Variants in ANKRD31 observed in about 807,000 individuals in gnomAD.
The protein encoded by ANKRD31 is ankyrin repeat domain 31.
Under a neutral mutation model 186.0 loss-of-function variants are expected in ANKRD31, and 147 were observed. The ratio of observed to expected loss-of-function variants is 0.79; its 90% CI spans 0.69 to 0.91. The LOEUF is 0.91. Among genes scored for constraint, ANKRD31 ranks in the 40% least tolerant of loss-of-function variants. The probability of loss-of-function intolerance (pLI) is 0.00; values close to 1 mark genes in which losing one functional copy is unlikely to be tolerated. For synonymous variants in ANKRD31, 673 were observed against 736.4 expected (o/e 0.91, Z 1.39); for missense variants, 1,986 against 2,148.8 (o/e 0.92, Z 1.50).
At chr5:75,084,208 G>T in intron 24 of ANKRD31, 64 bp downstream of exon 24, 2 of 1,144,480 alleles carry the variant, frequency 1.7e-6, no homozygotes, top group Non-Finnish European at 2.5e-6. Context: ...TAAAATGAGT[G>T]CTTTTCCAGT....
chr5:75,111,319 T>A (rs931426506), intron 20 of ANKRD31, among the ~76,000 whole-genome samples: 9 of 152,076 alleles, frequency 5.9e-5, no homozygotes, highest in Non-Finnish European at 1.3e-4. Context: ...ATGACTTTCA[T>A]AATGAAAAAA....
At chr5:75,171,757 A>G (rs1402133897) in intron 10 of ANKRD31, among the ~76,000 whole-genome samples, 3 of 151,792 alleles carry the variant, frequency 2.0e-5, no homozygotes, top group Non-Finnish European at 4.4e-5. Flanking sequence ...TGAATAGCCT[A>G]TACCTATTAA....
At chr5:75,220,294 C>G (rs1450049118) in intron 3 of ANKRD31, among the ~76,000 whole-genome samples, 4 of 152,128 alleles carry the variant, frequency 2.6e-5, no homozygotes, top group African/African-American at 9.7e-5. Context: ...GTCTAATATA[C>G]AGAATCTACA....
chr5:75,236,822 G>T lies in ANKRD31; in HGVS notation c.-136C>A. On this transcript the variant is annotated 5_prime_UTR_variant, in exon 1 of 26. Coordinates refer to ENST00000506364, the MANE Select transcript of ANKRD31 (RefSeq NM_001372053.1). Reference sequence around the variant, plus strand: ...ATAATCGCAGCAGGAGCCGGGACTTGTCGCAGGGCTGCTGAGGAGGACGCA... The same window carrying T: ...ATAATCGCAGCAGGAGCCGGGACTTTTCGCAGGGCTGCTGAGGAGGACGCA... 2.6e-6 allele frequency: 2 copies of T among 757,054 alleles called. No individual in the cohort carries two copies. The highest frequency in any genetic ancestry group is 4.0e-6 in the Non-Finnish European group (2 of 496,884). 46.9% of individuals were successfully genotyped at this position (757,054 alleles called of 1,614,324 possible). A position where few individuals can be genotyped will look rare whatever the true frequency, so the allele number is the denominator to read the frequency against.
intron 2 of ANKRD31, among the ~76,000 whole-genome samples, chr5:75,228,495 C>A (rs1757767135): frequency 6.6e-6 from 1 of 151,758 alleles, no homozygotes; most frequent in Admixed American, 6.6e-5. Context: ...AAATAAACTT[C>A]TTTAACATGA....
At chr5:75,190,232 G>A (rs1291185597) in intron 9 of ANKRD31, among the ~76,000 whole-genome samples, 8 of 151,986 alleles carry the variant, frequency 5.3e-5, no homozygotes. Context: ...TGTTGCTTAA[G>A]CTGATCTCAA....
chr5:75,147,421 T>C lies in ANKRD31; in HGVS notation c.1990A>G (p.Asn664Asp), dbSNP rs191791580. 6.6e-7 allele frequency: 1 copy of C among 1,521,654 alleles called. No homozygotes were observed. Among genetic ancestry groups the C allele is most frequent in the Non-Finnish European group, 8.8e-7 (1 of 1,141,572 alleles). 94.3% of individuals were successfully genotyped at this position (1,521,654 alleles called of 1,614,324 possible). ...AATAAACTCGCTTTGCTTCCTTTATTGACTTTTACATGTTCCAGCTTCTGT... is the reference window on the plus strand; with the variant it reads ...AATAAACTCGCTTTGCTTCCTTTATCGACTTTTACATGTTCCAGCTTCTGT... ...NRQKLEHVKV[N>D]KGSKASLFIN... Residue 664 changes from asparagine (N) to aspartate (D), a missense_variant, in exon 14 of 26, where the codon AAT becomes GAT. Asn to Asp is a conservative substitution (Grantham distance 23). Coordinates refer to ENST00000506364, the MANE Select transcript of ANKRD31 (RefSeq NM_001372053.1).
Position 75,236,862 on chromosome 5 carries a change from C to T in ANKRD31, c.-176G>A. 2.0e-6 allele frequency: 1 copy of T among 509,236 alleles called. No individual in the cohort carries two copies. The highest frequency in any genetic ancestry group is 2.0e-5 in the African/African-American group (1 of 48,924). 31.5% of individuals were successfully genotyped at this position (509,236 alleles called of 1,614,324 possible). A position where few individuals can be genotyped will look rare whatever the true frequency, so the allele number is the denominator to read the frequency against. On this transcript the variant is annotated 5_prime_UTR_variant, in exon 1 of 26. Coordinates refer to ENST00000506364, the MANE Select transcript of ANKRD31 (RefSeq NM_001372053.1). ...AGGAGGACGCAGGCGGCCGCGAGCGCGGCGGGGTAGCAGTCTGCGAGGCGG... is the reference window on the plus strand; with the variant it reads ...AGGAGGACGCAGGCGGCCGCGAGCGTGGCGGGGTAGCAGTCTGCGAGGCGG...
intron 11 of ANKRD31, among the ~76,000 whole-genome samples, chr5:75,168,547 A>G (rs765305353): frequency 4.2e-4 from 64 of 152,160 alleles, no homozygotes; most frequent in Non-Finnish European, 7.2e-4. Context: ...ATCCTGGCTG[A>G]TCATTAAGCT....
At chr5:75,077,782 G>C (rs957784904) in intron 25 of ANKRD31, among the ~76,000 whole-genome samples, 4 of 151,890 alleles carry the variant, frequency 2.6e-5, no homozygotes, top group African/African-American at 7.3e-5. Context: ...AAAATTAGCT[G>C]GGCGTGGTGG....
At position 75,103,360 on chromosome 5, in the gene ANKRD31, C is replaced by T. The variant is rs147663010; in HGVS notation, c.5331+868G>A. ...AAAGTCAAGAAACAACTGATGCTGG[C>T]GAGGTTGCAGATAAATAGGAATGCT... On this transcript the variant is annotated intron_variant, in intron 22 of 25. Coordinates refer to ENST00000506364, the MANE Select transcript of ANKRD31 (RefSeq NM_001372053.1). Among the ~76,000 whole-genome samples the T allele has an allele frequency of 2.4e-3, 364 of 152,200 alleles. 1 individual carries two copies. Among genetic ancestry groups the T allele is most frequent in the Non-Finnish European group, 4.0e-3 (271 of 68,012 alleles).
At chr5:75,169,268 A>C in intron 10 of ANKRD31, 147 bp from the exon 11 acceptor site, 6 of 932,104 alleles carry the variant, frequency 6.4e-6, no homozygotes, top group Non-Finnish European at 7.8e-6. Context: ...CTGAAAGCAC[A>C]CTGTATTATT....
intron 23 of ANKRD31, among the ~76,000 whole-genome samples, chr5:75,085,034 C>T (rs1051825660): frequency 6.6e-6 from 1 of 152,078 alleles, no homozygotes; most frequent in African/African-American, 2.4e-5. Flanking sequence ...TTACTCTTAG[C>T]TTGAGGACAA....
chr5:75,158,500 C>A (rs942603805), intron 11 of ANKRD31, among the ~76,000 whole-genome samples: 5 of 152,066 alleles, frequency 3.3e-5, no homozygotes, highest in Non-Finnish European at 7.3e-5. Context: ...CAGTTTTGGC[C>A]GGATGTAGTG....
At position 75,104,502 on chromosome 5, in the gene ANKRD31, G is replaced by C. The variant is rs1352954757; in HGVS notation, c.5057C>G (p.Thr1686Arg). The change falls in exon 22 of 26, where the codon ACA becomes AGA. Residue 1686 changes from threonine (T) to arginine (R), a missense_variant. By Grantham distance (71) the Thr-to-Arg change is moderately conservative (BLOSUM62 -1). Transcript: ENST00000506364. ...NRKTSSQQSP[T>R]GASESLAHQG... is the part of the protein sequence containing the mutation. ...ATGTGCCAGAGATTCTGATGCCCCT[G>C]TAGGTGATTGCTGGGAACTTGTTTT... 6 of 1,537,066 alleles carry C rather than the reference G, an allele frequency of 3.9e-6. No individual in the cohort carries two copies. In the Admixed American group the frequency reaches 9.8e-5, roughly 25 times the overall value.
chr5:75,213,261 C>T (rs1212199993), intron 3 of ANKRD31, among the ~76,000 whole-genome samples: 1 of 152,160 alleles, frequency 6.6e-6, no homozygotes, highest in East Asian at 1.9e-4. Flanking sequence ...AGTAATTTTT[C>T]AAATATTTGT....
chr5:75,158,844 C>T (rs925109570), intron 11 of ANKRD31, among the ~76,000 whole-genome samples: 9 of 151,852 alleles, frequency 5.9e-5, no homozygotes, highest in African/African-American at 2.2e-4. Flanking sequence ...AAAAGAAACA[C>T]TAAAGTATGA....
At chr5:75,081,192 T>G (rs1488306169) in intron 24 of ANKRD31, among the ~76,000 whole-genome samples, 1 of 152,202 alleles carries the variant, frequency 6.6e-6, no homozygotes, top group Non-Finnish European at 1.5e-5. Flanking sequence ...TATAGATTCT[T>G]AGGTCCAGAC....
intron 10 of ANKRD31, among the ~76,000 whole-genome samples, chr5:75,177,416 C>T (rs539957320): frequency 4.3e-4 from 65 of 152,158 alleles, no homozygotes; most frequent in Middle Eastern, 3.4e-3. Context: ...AGAGCAACTC[C>T]AAGACACATC....
Sources: gnomAD v4.1 joint callset for allele counts (sites outside exome capture counted in the v4.1 genomes callset) on GRCh38, gnomAD v4.1.1 for gene constraint, MANE v1.5 for transcripts, NCBI Gene and HGNC (gene_info 2026-07-23, HGNC 2026-07-21) for gene names.